Variants in SPOCK3 observed in about 807,000 individuals in gnomAD.
The protein encoded by SPOCK3 is SPARC (osteonectin), cwcv and kazal like domains proteoglycan 3.
In SPOCK3, 30 loss-of-function variants were observed where a neutral mutation model predicts 56.6. The ratio of observed to expected loss-of-function variants is 0.53; its 90% CI spans 0.40 to 0.72. The LOEUF (loss-of-function observed/expected upper bound fraction) is 0.72. Among genes scored for constraint, SPOCK3 ranks in the 30% least tolerant of loss-of-function variants. The pLI is 0.00. For missense variants in SPOCK3, 527 were observed against 530.0 expected (o/e 0.99, Z 0.06); for synonymous variants, 196 against 183.3 (o/e 1.07, Z -0.56).
chr4:167,068,718 TC>T (rs1580191490), intron 2 of SPOCK3, among the ~76,000 whole-genome samples: 1 of 151,740 alleles, frequency 6.6e-6, no homozygotes, highest in East Asian at 1.9e-4. Context: ...TTTCAACTGT[TC>T]CAGTAAATAT....
At chr4:167,134,560 C>T (rs1351032136) in intron 2 of SPOCK3, among the ~76,000 whole-genome samples, 2 of 152,012 alleles carry the variant, frequency 1.3e-5, no homozygotes, top group Non-Finnish European at 2.9e-5. Context: ...ATATGATTGT[C>T]ACTTTAAGAA....
intron 3 of SPOCK3, among the ~76,000 whole-genome samples, chr4:167,054,005 G>A (rs926567837): frequency 1.3e-5 from 2 of 152,168 alleles, no homozygotes; most frequent in African/African-American, 4.8e-5. Flanking sequence ...TGCCATGGTA[G>A]AGAACAAGTA....
chr4:166,831,771 T>A (rs961330453), intron 6 of SPOCK3, among the ~76,000 whole-genome samples: 2,095 of 146,932 alleles, frequency 0.014, 24 homozygotes, highest in Middle Eastern at 0.031. Flanking sequence ...TTTTTTTTTT[T>A]AAATTTCATT....
At chr4:167,192,823 CT>C in intron 2 of SPOCK3, among the ~76,000 whole-genome samples, 1 of 145,956 alleles carries the variant, frequency 6.9e-6, no homozygotes, top group Non-Finnish European at 1.5e-5. Flanking sequence ...TTTCAAGATA[CT>C]TTTTTATTTC....
chr4:167,153,943 T>C (rs1228985713), intron 2 of SPOCK3, among the ~76,000 whole-genome samples: 1 of 152,044 alleles, frequency 6.6e-6, no homozygotes, highest in East Asian at 1.9e-4. Flanking sequence ...AGCCTTCCTT[T>C]CCATACTCCT....
At chr4:167,083,130 A>T in intron 2 of SPOCK3, 1 of 761,764 alleles carries the variant, frequency 1.3e-6, no homozygotes, top group South Asian at 1.3e-5. Flanking sequence ...TTAACTAATT[A>T]CAGCTTTATG....
intron 6 of SPOCK3, among the ~76,000 whole-genome samples, chr4:166,806,915 CTTTAA>C (rs1011513764): frequency 6.6e-6 from 1 of 151,826 alleles, no homozygotes; most frequent in African/African-American, 2.4e-5. Flanking sequence ...CTATAATAAA[CTTTAA>C]TTTATAAATT....
chr4:167,006,642 G>T (rs572607157), intron 3 of SPOCK3, among the ~76,000 whole-genome samples: 15 of 152,136 alleles, frequency 9.9e-5, no homozygotes, highest in African/African-American at 3.6e-4. Flanking sequence ...TATTTAATCT[G>T]ATCTTTACAT....
intron 4 of SPOCK3, among the ~76,000 whole-genome samples, chr4:166,993,275 C>T (rs1185112751): frequency 4.6e-5 from 7 of 152,098 alleles, no homozygotes; most frequent in Non-Finnish European, 1.0e-4. Flanking sequence ...AAGGGCTTAG[C>T]TATGCTCACT....
At chr4:166,754,359 G>A in intron 8 of SPOCK3, 149 bp downstream of exon 8, 2 of 1,387,274 alleles carry the variant, frequency 1.4e-6, no homozygotes, top group African/African-American at 1.5e-5. Context: ...TGTTCAACAT[G>A]CTTCTTATTT....
intron 7 of SPOCK3, among the ~76,000 whole-genome samples, chr4:166,768,946 A>G (rs1347713909): frequency 1.3e-5 from 2 of 152,116 alleles, no homozygotes; most frequent in East Asian, 3.9e-4. Context: ...TTGATCTTCC[A>G]TCACTGATAC....
intron 4 of SPOCK3, among the ~76,000 whole-genome samples, chr4:166,935,334 C>T (rs116264481): frequency 6.6e-6 from 1 of 152,276 alleles, no homozygotes; most frequent in African/African-American, 2.4e-5. Context: ...GCTCGATGTT[C>T]TTCTCAATTG....
chr4:166,934,238 C>T (rs1036141396), intron 4 of SPOCK3, among the ~76,000 whole-genome samples: 1 of 151,916 alleles, frequency 6.6e-6, no homozygotes, highest in Non-Finnish European at 1.5e-5. Context: ...CACCTGTAAT[C>T]CCAGCACTTT....
intron 4 of SPOCK3, among the ~76,000 whole-genome samples, chr4:166,930,999 T>A (rs868711718): frequency 6.6e-6 from 1 of 152,140 alleles, no homozygotes; most frequent in African/African-American, 2.4e-5. Context: ...TTTTCCTTTT[T>A]TTTGACAGAG....
chr4:166,745,083 A>T (rs1001257031), intron 8 of SPOCK3, among the ~76,000 whole-genome samples: 4 of 152,180 alleles, frequency 2.6e-5, no homozygotes, highest in Non-Finnish European at 5.9e-5. Context: ...TAACCAGGAG[A>T]ACTTCCCCAA....
intron 6 of SPOCK3, among the ~76,000 whole-genome samples, chr4:166,877,105 TC>T (rs1733177993): frequency 6.6e-6 from 1 of 152,144 alleles, no homozygotes; most frequent in African/African-American, 2.4e-5. Context: ...CTACCTCTAA[TC>T]AATAAAACAG....
intron 2 of SPOCK3, among the ~76,000 whole-genome samples, chr4:167,095,098 C>T (rs1298086687): frequency 1.3e-5 from 2 of 152,060 alleles, no homozygotes; most frequent in Admixed American, 1.3e-4. Context: ...CTAGATAAGG[C>T]CCACCCACAT....
intron 3 of SPOCK3, among the ~76,000 whole-genome samples, chr4:167,055,733 T>G (rs760241531): frequency 1.9e-4 from 29 of 152,132 alleles, no homozygotes; most frequent in Non-Finnish European, 3.7e-4. Context: ...ACTGCAAGGC[T>G]GCAGCGAGGC....
intron 4 of SPOCK3, among the ~76,000 whole-genome samples, chr4:166,961,209 T>A (rs1382965020): frequency 1.3e-5 from 2 of 149,900 alleles, no homozygotes; most frequent in Non-Finnish European, 3.0e-5. Flanking sequence ...AACATCAATT[T>A]TAAAAAAAAC....
Sources: gnomAD v4.1 joint callset for allele counts (sites outside exome capture counted in the v4.1 genomes callset) on GRCh38, gnomAD v4.1.1 for gene constraint, MANE v1.5 for transcripts, NCBI Gene and HGNC (gene_info 2026-07-23, HGNC 2026-07-21) for gene names.